Variants in TANC2 observed in about 807,000 individuals in gnomAD.
TANC2 encodes the protein protein TANC2.
Under a neutral mutation model 210.5 loss-of-function variants are expected in TANC2, and 26 were observed. The ratio of observed to expected loss-of-function variants is 0.12; its 90% CI spans 0.09 to 0.17. The LOEUF is 0.17. Among genes scored for constraint, TANC2 ranks in the 10% least tolerant of loss-of-function variants. The pLI is 1.00. For synonymous variants in TANC2, 931 were observed against 967.1 expected (o/e 0.96, Z 0.69); for missense variants, 2,129 against 2,608.9 (o/e 0.82, Z 4.01).
chr17:63,271,570 A>G (rs529997851), intron 9 of TANC2, among the ~76,000 whole-genome samples: 3 of 151,554 alleles, frequency 2.0e-5, no homozygotes, highest in East Asian at 3.9e-4. Flanking sequence ...TAAGCCCCGC[A>G]TGGATTAGGT....
chr17:63,284,962 T>G (rs1167443552), intron 9 of TANC2, among the ~76,000 whole-genome samples: 1 of 152,170 alleles, frequency 6.6e-6, no homozygotes, highest in Non-Finnish European at 1.5e-5. Context: ...ACTGACCCAG[T>G]GATCATTAGG....
At chr17:63,272,549 T>C (rs763203060) in intron 9 of TANC2, among the ~76,000 whole-genome samples, 5 of 152,196 alleles carry the variant, frequency 3.3e-5, no homozygotes, top group Admixed American at 6.5e-5. Flanking sequence ...CTTTTGGCAG[T>C]ATGGCCATTT....
intron 6 of TANC2, among the ~76,000 whole-genome samples, chr17:63,199,722 T>C (rs1360239114): frequency 2.0e-5 from 3 of 152,206 alleles, no homozygotes; most frequent in Non-Finnish European, 4.4e-5. Flanking sequence ...GAAAAGTGAA[T>C]TGTCATTAAA....
chr17:63,270,189 C>G (rs2043655738), intron 9 of TANC2, among the ~76,000 whole-genome samples: 1 of 152,014 alleles, frequency 6.6e-6, no homozygotes, highest in Non-Finnish European at 1.5e-5. Context: ...AATTTAGAGT[C>G]CCTGAACAAT....
chr17:63,202,299 ATATATT>A (rs1003482364), intron 7 of TANC2, among the ~76,000 whole-genome samples: 4 of 152,158 alleles, frequency 2.6e-5, no homozygotes, highest in Non-Finnish European at 5.9e-5. Context: ...GTATAAAACT[ATATATT>A]TATACTCTGT....
chr17:63,030,612 T>C (rs2034732015), intron 2 of TANC2, among the ~76,000 whole-genome samples: 1 of 135,600 alleles, frequency 7.4e-6, no homozygotes, highest in African/African-American at 2.8e-5. Context: ...TCACCTCACA[T>C]CCAGTTGGCC....
At chr17:63,302,698 A>G (rs1598810279) in intron 9 of TANC2, among the ~76,000 whole-genome samples, 1 of 134,618 alleles carries the variant, frequency 7.4e-6, no homozygotes, top group Non-Finnish European at 1.5e-5. Flanking sequence ...TGCACGGGAG[A>G]TGGGTCTCCT....
At chr17:63,297,701 A>C (rs2044579548) in intron 9 of TANC2, among the ~76,000 whole-genome samples, 1 of 152,178 alleles carries the variant, frequency 6.6e-6, no homozygotes, top group Non-Finnish European at 1.5e-5. Flanking sequence ...AGTAACCAAA[A>C]AATAAGATAT....
chr17:63,355,179 C>G (rs752552645), exon 14 of TANC2: 32 of 1,613,814 alleles, frequency 2.0e-5, no homozygotes, highest in Non-Finnish European at 2.6e-5. Flanking sequence ...CTCTCTCCAC[C>G]CACTGACTGA....
At chr17:63,016,141 A>G (rs1458945618) in intron 2 of TANC2, among the ~76,000 whole-genome samples, 1 of 152,272 alleles carries the variant, frequency 6.6e-6, no homozygotes, top group Non-Finnish European at 1.5e-5. Context: ...GCTGTAATGT[A>G]CTACAAGAAG....
chr17:63,171,789 C>T (rs1215574240), intron 5 of TANC2, among the ~76,000 whole-genome samples: 1 of 152,234 alleles, frequency 6.6e-6, no homozygotes, highest in Non-Finnish European at 1.5e-5. Flanking sequence ...TAAAGACTTA[C>T]TCTTCTGTTA....
chr17:62,999,614 T>G (rs1354046657), intron 1 of TANC2, among the ~76,000 whole-genome samples: 2 of 150,290 alleles, frequency 1.3e-5, no homozygotes, highest in African/African-American at 2.5e-5. Context: ...ATTATGAGAT[T>G]TTTTTTGTAA....
At chr17:63,401,465 A>G (rs935743812) in intron 19 of TANC2, among the ~76,000 whole-genome samples, 4 of 152,234 alleles carry the variant, frequency 2.6e-5, no homozygotes, top group African/African-American at 9.6e-5. Flanking sequence ...TAACTGTAAG[A>G]TGCATTCCAA....
intron 9 of TANC2, among the ~76,000 whole-genome samples, chr17:63,292,344 C>T (rs1367622194): frequency 2.6e-5 from 4 of 152,108 alleles, no homozygotes; most frequent in Non-Finnish European, 5.9e-5. Context: ...AAGAAAGTGT[C>T]GTCACGTTAA....
intron 3 of TANC2, among the ~76,000 whole-genome samples, chr17:63,083,044 G>T (rs997345754): frequency 1.3e-5 from 2 of 152,216 alleles, no homozygotes; most frequent in African/African-American, 4.8e-5. Flanking sequence ...CCATGAGTCA[G>T]TATAGAACAG....
chr17:63,347,980 C>G (rs113735286), intron 12 of TANC2, among the ~76,000 whole-genome samples: 1 of 152,092 alleles, frequency 6.6e-6, no homozygotes, highest in African/African-American at 2.4e-5. Context: ...GTTGCCCAGG[C>G]TGGTCTGGAA....
At chr17:62,975,907 T>A (rs1429027793) in intron 1 of TANC2, among the ~76,000 whole-genome samples, 2 of 152,192 alleles carry the variant, frequency 1.3e-5, no homozygotes, top group Non-Finnish European at 2.9e-5. Context: ...TTTTTTGATA[T>A]ATGCCAGCTC....
At chr17:63,267,752 C>G in exon 9 of TANC2, 1 of 1,611,262 alleles carries the variant, frequency 6.2e-7, no homozygotes, top group South Asian at 1.1e-5. Flanking sequence ...TGTCAGCCAC[C>G]AGCTCTGCCC....
At chr17:63,017,014 G>T (rs559353180) in intron 2 of TANC2, among the ~76,000 whole-genome samples, 5 of 152,170 alleles carry the variant, frequency 3.3e-5, no homozygotes, top group South Asian at 4.1e-4. Context: ...TCACTCCATG[G>T]TCATGAGGAT....
Sources: gnomAD v4.1 joint callset for allele counts (sites outside exome capture counted in the v4.1 genomes callset) on GRCh38, gnomAD v4.1.1 for gene constraint, MANE v1.5 for transcripts, NCBI Gene and HGNC (gene_info 2026-07-23, HGNC 2026-07-21) for gene names.